The following TRIM55 variants were observed in gnomAD, a reference collection of about 807,000 sequenced individuals.
TRIM55 encodes tripartite motif containing 55, also known as tripartite motif-containing protein 55.
TRIM55 carries 50 observed loss-of-function variants against 60.9 expected under a neutral mutation model. The ratio of observed to expected loss-of-function variants is 0.82; its 90% CI spans 0.65 to 1.04. The LOEUF (loss-of-function observed/expected upper bound fraction) is 1.04, where lower values mean the gene tolerates loss of function less well. TRIM55 is among the 50% of genes least tolerant of loss of function. TRIM55 has a pLI of 0.00. For synonymous variants in TRIM55, 237 were observed against 238.1 expected (o/e 1.00, Z 0.04); for missense variants, 681 against 666.9 (o/e 1.02, Z -0.23).
Position 66,174,384 on chromosome 8 carries a change from T to C in TRIM55, c.1525-87T>C, listed in dbSNP as rs878936320. The C allele has an allele frequency of 2.2e-5, 25 of 1,115,230 alleles. No homozygotes were observed. The South Asian group carries it at 3.3e-4, about 15-fold the overall frequency. The allele number at this position is 1,115,230 out of a possible 1,614,324, so 69.1% of individuals were successfully genotyped here. A position where few individuals can be genotyped will look rare whatever the true frequency, so the allele number is the denominator to read the frequency against. On this transcript the variant is annotated intron_variant, in intron 9 of 9. Transcript: ENST00000315962. Reference sequence around the variant, plus strand: ...ATAATAATAATTGTTATTATTATTATACTTTCTCCTCAATAGAAAAGTGAC... The same window carrying C: ...ATAATAATAATTGTTATTATTATTACACTTTCTCCTCAATAGAAAAGTGAC...
intron 9 of TRIM55, among the ~76,000 whole-genome samples, chr8:66,168,184 C>G (rs940720655): frequency 1.3e-5 from 2 of 152,214 alleles, no homozygotes; most frequent in African/African-American, 4.8e-5. Context: ...CTGTCCCAAA[C>G]AGAAATGTCT....
chr8:66,148,163 A>G (rs942028316), intron 4 of TRIM55, among the ~76,000 whole-genome samples: 1 of 152,182 alleles, frequency 6.6e-6, no homozygotes, highest in African/African-American at 2.4e-5. Flanking sequence ...GGAGATTGGC[A>G]TACATGCACA....
chr8:66,133,756 C>T (rs933098283), intron 2 of TRIM55, among the ~76,000 whole-genome samples: 3 of 152,214 alleles, frequency 2.0e-5, no homozygotes, highest in South Asian at 2.1e-4. Context: ...CACATCAGCA[C>T]GTTCTCTGCC....
chr8:66,117,502 T>C, the TRIM55 span, among the ~76,000 whole-genome samples: 1 of 152,268 alleles, frequency 6.6e-6, no homozygotes, highest in Non-Finnish European at 1.5e-5. Flanking sequence ...CTCATATTTG[T>C]CACATACATC....
rs1398360625 is a variant in TRIM55, at chr8:66,127,237, T to C, written c.-32T>C. ...TTGCTGGAGCCACTCGCAGCACCCTTCCCTGGCAGCACACTTGGGGACAGC... is the reference window on the plus strand; with the variant it reads ...TTGCTGGAGCCACTCGCAGCACCCTCCCCTGGCAGCACACTTGGGGACAGC... On this transcript the variant is annotated 5_prime_UTR_variant, in exon 1 of 10. Coordinates refer to ENST00000315962, the MANE Select transcript of TRIM55 (RefSeq NM_184085.2). The C allele has an allele frequency of 1.2e-6, 2 of 1,602,190 alleles. No individual in the cohort carries two copies. The highest frequency in any genetic ancestry group is 1.1e-5 in the South Asian group (1 of 89,828).
chr8:66,150,386 A>G lies in TRIM55; in HGVS notation c.905A>G (p.His302Arg), dbSNP rs374114944. The G allele has an allele frequency of 2.5e-6, 4 of 1,614,130 alleles. No homozygotes were observed. The highest frequency in any genetic ancestry group is 1.3e-5 in the African/African-American group (1 of 74,958). ...SKAFQMEKIE[H>R]GYENMNHFTV... ...GCATTTCAGATGGAGAAAATAGAAC[A>G]TGGCTATGAGAACATGAACCACTTC... The change falls in exon 7 of 10, where the codon CAT (histidine) becomes CGT (arginine). Residue 302 changes from histidine to arginine, a missense_variant. By Grantham distance (29) the His-to-Arg change is conservative (BLOSUM62 0). Coordinates refer to ENST00000315962, the MANE Select transcript of TRIM55 (RefSeq NM_184085.2).
chr8:66,149,273 GCATGCACACA>G (rs1487980570), intron 4 of TRIM55, among the ~76,000 whole-genome samples: 1 of 152,172 alleles, frequency 6.6e-6, no homozygotes, highest in African/African-American at 2.4e-5. Flanking sequence ...TATTTTCCTT[GCATGCACACA>G]CATGCACACA....
chr8:66,134,449 G>C (rs1809356634), intron 2 of TRIM55, among the ~76,000 whole-genome samples: 1 of 152,154 alleles, frequency 6.6e-6, no homozygotes, highest in South Asian at 2.1e-4. Flanking sequence ...GGTGAAAAGG[G>C]TCTTTCCTGG....
the TRIM55 span, among the ~76,000 whole-genome samples, chr8:66,121,141 T>A: frequency 6.6e-6 from 1 of 152,228 alleles, no homozygotes; most frequent in Non-Finnish European, 1.5e-5. Flanking sequence ...CATCCACTGT[T>A]GGGTGCACAC....
chr8:66,143,471 A>G (rs1809935809), intron 4 of TRIM55, among the ~76,000 whole-genome samples: 1 of 152,196 alleles, frequency 6.6e-6, no homozygotes, highest in Admixed American at 6.5e-5. Flanking sequence ...TTTAGCAATT[A>G]TATAATTCAG....
At chr8:66,138,421 A>ATG in intron 4 of TRIM55, among the ~76,000 whole-genome samples, 1 of 152,168 alleles carries the variant, frequency 6.6e-6, no homozygotes, top group East Asian at 1.9e-4. Context: ...ATGGAGTCTC[A>ATG]CACTGTCACC....
intron 9 of TRIM55, among the ~76,000 whole-genome samples, chr8:66,171,753 C>T (rs951484719): frequency 6.6e-6 from 1 of 152,200 alleles, no homozygotes; most frequent in African/African-American, 2.4e-5. Flanking sequence ...AAAAGATCTG[C>T]TTTTGATTTG....
chr8:66,149,731 C>G lies in TRIM55; in HGVS notation c.690C>G (p.Thr230=). The G allele has an allele frequency of 6.2e-7, 1 of 1,613,816 alleles. No individual in the cohort carries two copies. Among genetic ancestry groups the G allele is most frequent in the Non-Finnish European group, 8.5e-7 (1 of 1,179,724 alleles). ...GILEERKNEM[T]QVITRTQEEK... is the part of the protein sequence containing the mutation. ...TGGAGGAGAGGAAGAATGAAATGAC[C>G]CAAGTCATTACCCGAACCCAAGAGG... is the stretch of plus-strand genomic sequence containing the variant. Residue 230 remains threonine, a synonymous_variant, in exon 5 of 10, where the codon ACC becomes ACG. Coordinates refer to ENST00000315962, the MANE Select transcript of TRIM55 (RefSeq NM_184085.2).
chr8:66,164,933 A>AGAAGGAAGGAAGGAAG (rs66566563), intron 9 of TRIM55, among the ~76,000 whole-genome samples: 12 of 148,924 alleles, frequency 8.1e-5, no homozygotes, highest in East Asian at 2.0e-4. Flanking sequence ...GAAGGAGGAA[A>AGAAGGAAGGAAGGAAG]GAAGGAAGGA....
At chr8:66,157,355 C>T (rs1810802496) in intron 9 of TRIM55, among the ~76,000 whole-genome samples, 1 of 152,138 alleles carries the variant, frequency 6.6e-6, no homozygotes, top group African/African-American at 2.4e-5. Context: ...TCTTTGATCC[C>T]AGAAATGGGA....
intron 9 of TRIM55, chr8:66,155,502 T>C (rs1810686587): frequency 1.6e-6 from 1 of 640,820 alleles, no homozygotes; most frequent in East Asian, 2.7e-5. Flanking sequence ...AAAACAGTAG[T>C]GCACTACCCC....
intron 2 of TRIM55, among the ~76,000 whole-genome samples, chr8:66,129,524 T>C (rs1809022310): frequency 2.6e-5 from 4 of 152,230 alleles, no homozygotes; most frequent in Non-Finnish European, 5.9e-5. Flanking sequence ...CAAAACTAAA[T>C]TAGACAGTAC....
At chr8:66,165,357 G>T (rs1811271308) in intron 9 of TRIM55, among the ~76,000 whole-genome samples, 1 of 152,108 alleles carries the variant, frequency 6.6e-6, no homozygotes, top group Admixed American at 6.6e-5. Flanking sequence ...GGTGAGAGAT[G>T]CAGGAGGCTA....
At chr8:66,163,527 C>T (rs1811159381) in intron 9 of TRIM55, among the ~76,000 whole-genome samples, 1 of 152,150 alleles carries the variant, frequency 6.6e-6, no homozygotes, top group Non-Finnish European at 1.5e-5. Flanking sequence ...TCTTCTTTGA[C>T]CCATGGGTTA....
Sources: gnomAD v4.1 joint callset for allele counts (sites outside exome capture counted in the v4.1 genomes callset) on GRCh38, gnomAD v4.1.1 for gene constraint, MANE v1.5 for transcripts, NCBI Gene and HGNC (gene_info 2026-07-23, HGNC 2026-07-21) for gene names.